The following MTERF3 variants were observed in gnomAD, a reference collection of about 807,000 sequenced individuals.
MTERF3 encodes the protein transcription termination factor 3, mitochondrial.
Under a neutral mutation model 40.5 loss-of-function variants are expected in MTERF3, and 40 were observed. That is an observed-to-expected ratio of 0.99 (90% CI 0.77 to 1.29). MTERF3 has a LOEUF of 1.29. MTERF3 is among the 50% of genes most tolerant of loss of function. The probability of loss-of-function intolerance (pLI) is 0.00; values close to 1 mark genes in which losing one functional copy is unlikely to be tolerated. For missense variants in MTERF3, 452 were observed against 478.2 expected (o/e 0.95, Z 0.51); for synonymous variants, 158 against 166.6 (o/e 0.95, Z 0.40).
intron 4 of MTERF3, among the ~76,000 whole-genome samples, chr8:96,248,372 A>G (rs1182776268): frequency 6.6e-6 from 1 of 152,266 alleles, no homozygotes; most frequent in Non-Finnish European, 1.5e-5. Flanking sequence ...GGACTGTACT[A>G]GAGTTAAAAA....
At chr8:96,255,918 C>CA (rs1356742092) in intron 3 of MTERF3, among the ~76,000 whole-genome samples, 4 of 152,048 alleles carry the variant, frequency 2.6e-5, no homozygotes, top group African/African-American at 9.7e-5. Flanking sequence ...ATCAGTACCA[C>CA]AAAAAACTCA....
In MTERF3 at chr8:96,256,981, C is replaced by T; in HGVS notation, c.468G>A (p.Leu156=). The T allele has an allele frequency of 6.2e-7, 1 of 1,608,056 alleles. No homozygotes were observed. The highest frequency in any genetic ancestry group is 8.5e-7 in the Non-Finnish European group (1 of 1,178,178). ...LRDYVDHSET[L]QKLVLLGVDL... Reference sequence around the variant, plus strand: ...ACTTACCTAGAAGAACCAACTTCTGCAGAGTCTCAGAATGATCCACATAGT... The same window carrying T: ...ACTTACCTAGAAGAACCAACTTCTGTAGAGTCTCAGAATGATCCACATAGT... The change falls in exon 3 of 8, where the codon CTG becomes CTA. Residue 156 remains leucine, a synonymous_variant. Transcript: ENST00000287025.
chr8:96,239,610 G>A lies in MTERF3; in HGVS notation c.1135C>T (p.Pro379Ser), dbSNP rs1375528496. 1 of 1,612,722 alleles carries A rather than the reference G, an allele frequency of 6.2e-7. No individual in the cohort carries two copies. The highest frequency in any genetic ancestry group is 1.3e-5 in the African/African-American group (1 of 74,786). The change falls in exon 8 of 8, where the codon CCA becomes TCA. Residue 379 changes from proline to serine, a missense_variant. Pro to Ser is a moderately conservative substitution (Grantham distance 74). Coordinates refer to ENST00000287025, the MANE Select transcript of MTERF3 (RefSeq NM_015942.5). The stretch of plus-strand genomic sequence containing the variant: ...AAAGAGATGTAGTTAGGTTTTGCTG[G>A]ATCATACTGTGCTCTTCCTAAATAG... ...LTYLGRAQYD[P>S]AKPNYISLDK...
At chr8:96,258,192 C>T in intron 2 of MTERF3, 165 bp downstream of exon 2, 1 of 973,356 alleles carries the variant, frequency 1.0e-6, no homozygotes, top group Non-Finnish European at 1.2e-6. Flanking sequence ...TTTTTCTTAC[C>T]AGTAAAATAA....
At chr8:96,244,464 G>A (rs1396261688) in intron 6 of MTERF3, among the ~76,000 whole-genome samples, 1 of 151,350 alleles carries the variant, frequency 6.6e-6, no homozygotes, top group South Asian at 2.1e-4. Flanking sequence ...GCGGTGGCAC[G>A]ATCTCAGCTT....
intron 3 of MTERF3, among the ~76,000 whole-genome samples, chr8:96,254,352 A>T (rs987384979): frequency 3.3e-5 from 5 of 152,156 alleles, no homozygotes; most frequent in African/African-American, 1.2e-4. Context: ...ATCATGCTGG[A>T]CAATAGATCT....
At chr8:96,242,737 G>T (rs1473898009) in intron 7 of MTERF3, among the ~76,000 whole-genome samples, 2 of 152,114 alleles carry the variant, frequency 1.3e-5, no homozygotes, top group Non-Finnish European at 2.9e-5. Context: ...CTCTGGTTAG[G>T]ACTCTACCAT....
In MTERF3 at chr8:96,254,795, C is replaced by T. The variant is rs140451955; in HGVS notation, c.487+2167G>A. Among the ~76,000 whole-genome samples the T allele has an allele frequency of 4.1e-3, 624 of 152,266 alleles. 5 individuals carry two copies. Among genetic ancestry groups the T allele is most frequent in the African/African-American group, 0.014 (588 of 41,548 alleles). ...AAGCTTCTTGAGAACAAAGGCCATT[C>T]TAAACATATGGGTAACATATGGGTA... On this transcript the variant is annotated intron_variant, in intron 3 of 7. Coordinates refer to ENST00000287025, the MANE Select transcript of MTERF3 (RefSeq NM_015942.5).
At chr8:96,257,240 T>A in intron 2 of MTERF3, 126 bp from the exon 3 acceptor site, 1 of 966,442 alleles carries the variant, frequency 1.0e-6, no homozygotes, top group Middle Eastern at 3.2e-4. Flanking sequence ...GAATTAAACA[T>A]CCAAGTCCCT....
chr8:96,251,612 G>A (rs181853491), intron 3 of MTERF3, among the ~76,000 whole-genome samples: 14 of 152,226 alleles, frequency 9.2e-5, no homozygotes, highest in African/African-American at 2.9e-4. Flanking sequence ...TCTTTAGCAC[G>A]GAGACACGTC....
intron 4 of MTERF3, among the ~76,000 whole-genome samples, chr8:96,249,458 C>G (rs1357623389): frequency 6.6e-6 from 1 of 152,132 alleles, no homozygotes; most frequent in Non-Finnish European, 1.5e-5. Flanking sequence ...ATTCTCTCTC[C>G]CTTCTGTATT....
intron 6 of MTERF3, 66 bp from the exon 7 acceptor site, chr8:96,244,146 C>T: frequency 7.1e-7 from 1 of 1,413,988 alleles, no homozygotes. Context: ...CATGGCAAGG[C>T]TGCACTGATT....
At chr8:96,248,248 A>G (rs1237300788) in intron 4 of MTERF3, among the ~76,000 whole-genome samples, 2 of 152,190 alleles carry the variant, frequency 1.3e-5, no homozygotes, top group Non-Finnish European at 2.9e-5. Context: ...AGAGACACCA[A>G]TATGTGTGAT....
At chr8:96,259,723 G>A (rs531683514) in intron 1 of MTERF3, among the ~76,000 whole-genome samples, 1 of 152,168 alleles carries the variant, frequency 6.6e-6, no homozygotes, top group African/African-American at 2.4e-5. Context: ...ATTAATTGCT[G>A]CCTACAACTT....
At chr8:96,244,167 T>C in intron 6 of MTERF3, 87 bp from the exon 7 acceptor site, 1 of 1,127,326 alleles carries the variant, frequency 8.9e-7, no homozygotes, top group Admixed American at 2.4e-5. Context: ...TTTTTTTTTT[T>C]TGAGATGGAG....
rs764525644 is a variant in MTERF3, at chr8:96,243,953, C to T, written c.1025G>A (p.Ser342Asn). 6 of 1,613,942 alleles carry T rather than the reference C, an allele frequency of 3.7e-6. No homozygotes were observed. In the African/African-American group the frequency reaches 6.7e-5, roughly 18 times the overall value. ...ETFDFVHNVM[S>N]IPHHIIVKFP... is the part of the protein sequence containing the mutation. Reference sequence around the variant, plus strand: ...CTTGACAATGATGTGGTGGGGAATGCTCATCACATTGTGCACAAAATCAAA... The same window carrying T: ...CTTGACAATGATGTGGTGGGGAATGTTCATCACATTGTGCACAAAATCAAA... Residue 342 changes from serine (S) to asparagine (N), a missense_variant, in exon 7 of 8, where the codon AGC becomes AAC. By Grantham distance (46) the Ser-to-Asn change is conservative. Transcript: ENST00000287025.
At chr8:96,260,401 G>A (rs1586175351) in intron 1 of MTERF3, among the ~76,000 whole-genome samples, 1 of 145,976 alleles carries the variant, frequency 6.9e-6, no homozygotes, top group Non-Finnish European at 1.5e-5. Flanking sequence ...CCTTGACAAG[G>A]CTGTTTCTGG....
intron 4 of MTERF3, among the ~76,000 whole-genome samples, chr8:96,247,507 A>C (rs1331253060): frequency 6.6e-6 from 1 of 152,224 alleles, no homozygotes; most frequent in Non-Finnish European, 1.5e-5. Flanking sequence ...AAAAACAAAA[A>C]AACTTGTGAG....
chr8:96,244,842 A>G (rs534159525), intron 6 of MTERF3, among the ~76,000 whole-genome samples: 63 of 152,326 alleles, frequency 4.1e-4, no homozygotes, highest in African/African-American at 1.5e-3. Context: ...ATGGTCATGA[A>G]GCTCACCAAA....
Sources: allele counts gnomAD v4.1 joint callset (sites outside exome capture counted in the v4.1 genomes callset), GRCh38; gene constraint gnomAD v4.1.1; transcripts MANE v1.5; gene names NCBI Gene and HGNC (gene_info 2026-07-23, HGNC 2026-07-21).